The following CDT1 variants were observed in gnomAD, a reference collection of about 807,000 sequenced individuals.
The protein encoded by CDT1 is chromatin licensing and DNA replication factor 1, also known as DNA replication factor Cdt1.
A neutral mutation model predicts 49.3 loss-of-function variants in CDT1; 66 were observed. The observed-to-expected ratio is 1.34, with a 90% confidence interval of 1.10 to 1.64. The LOEUF is 1.64. Ranked by LOEUF, CDT1 falls within the 40% of genes most tolerant of loss-of-function variation. The probability of loss-of-function intolerance (pLI) is 0.00; values close to 1 mark genes in which losing one functional copy is unlikely to be tolerated. For synonymous variants in CDT1, 424 were observed against 347.4 expected (o/e 1.22, Z -2.45); for missense variants, 958 against 807.7 (o/e 1.19, Z -2.26).
Position 88,806,064 on chromosome 16 carries a change from G to A in CDT1, c.876G>A (p.Leu292=), listed in dbSNP as rs2142944200. Residue 292 remains leucine, a synonymous_variant, in exon 6 of 10, where the codon CTG becomes CTA. Transcript: ENST00000301019. ...CCCAGCTCACGGCCTCGCGCCTCCT[G>A]CAGCGACGGCAGATCTTCAGCCAGA... The part of the protein sequence containing the change: ...AAPQLTASRL[L]QRRQIFSQKL... 6 of 1,600,580 alleles carry A rather than the reference G, an allele frequency of 3.7e-6. No individual in the cohort carries two copies. Among genetic ancestry groups the A allele is most frequent in the Non-Finnish European group, 5.1e-6 (6 of 1,177,234 alleles).
chr16:88,805,048 AAG>A, intron 3 of CDT1, 150 bp downstream of exon 3: 1 of 1,111,786 alleles, frequency 9.0e-7, no homozygotes, highest in South Asian at 1.6e-5. Context: ...CCCTGAGAAA[AAG>A]GTCCCGGGCA....
In CDT1 at chr16:88,808,516, G is replaced by C; in HGVS notation, c.*238G>C. The C allele has an allele frequency of 1.8e-6, 1 of 568,634 alleles. No individual in the cohort carries two copies. Among genetic ancestry groups the C allele is most frequent in the Non-Finnish European group, 3.1e-6 (1 of 321,156 alleles). The allele number at this position is 568,634 out of a possible 1,614,324, so 35.2% of individuals were successfully genotyped here. On this transcript the variant is annotated 3_prime_UTR_variant, in exon 10 of 10. Coordinates refer to ENST00000301019, the MANE Select transcript of CDT1 (RefSeq NM_030928.4). ...TAAACCGGTTTCTGTGGGCACCTCT[G>C]TCCTTGCTGCTGGTGGGGAAGGGAA... is the stretch of plus-strand genomic sequence containing the variant.
At position 88,805,578 on chromosome 16, in the gene CDT1, C is replaced by T; in HGVS notation, c.627C>T (p.Asn209=). The part of the protein sequence containing the change: ...SMDTIVGMLH[N]RSETPTFAKV... ...ACACCATCGTGGGCATGCTCCACAA[C>T]CGCTCCGAGACGCCCACCTTTGCCA... is the stretch of plus-strand genomic sequence containing the variant. The change falls in exon 4 of 10, where the codon AAC becomes AAT. Residue 209 remains asparagine, a synonymous_variant. Coordinates refer to ENST00000301019, the MANE Select transcript of CDT1 (RefSeq NM_030928.4). The T allele has an allele frequency of 6.2e-7, 1 of 1,612,888 alleles. No homozygotes were observed. The highest frequency in any genetic ancestry group is 8.5e-7 in the Non-Finnish European group (1 of 1,179,974).
At chr16:88,806,967 G>T in intron 7 of CDT1, 84 bp from the exon 8 acceptor site, 2 of 1,554,592 alleles carry the variant, frequency 1.3e-6, no homozygotes, top group Admixed American at 1.7e-5. Context: ...CTTGTGCCTT[G>T]AGAGATACCG....
chr16:88,807,362 C>G lies in CDT1; in HGVS notation c.1357C>G (p.Arg453Gly). The G allele has an allele frequency of 6.2e-7, 1 of 1,612,572 alleles. No individual in the cohort carries two copies. The highest frequency in any genetic ancestry group is 8.5e-7 in the Non-Finnish European group (1 of 1,179,932). The change falls in exon 9 of 10, where the codon CGG (arginine) becomes GGG (glycine). Residue 453 changes from arginine (R) to glycine (G), a missense_variant. By Grantham distance (125) the Arg-to-Gly change is moderately radical (BLOSUM62 -2). Coordinates refer to ENST00000301019, the MANE Select transcript of CDT1 (RefSeq NM_030928.4). ...GGAGCAGCGGCTGCAGCGCTTAGAA[C>G]GGCTGCCTGAGCTGGCCCGCGTGCT... ...EQEQRLQRLE[R>G]LPELARVLRS...
At chr16:88,806,392 G>T in intron 6 of CDT1, 94 bp from the exon 7 acceptor site, 3 of 1,442,180 alleles carry the variant, frequency 2.1e-6, no homozygotes, top group Admixed American at 1.9e-5. Context: ...TGCCCGAGGC[G>T]GCCCGGCTGG....
Position 88,806,135 on chromosome 16 carries a change from G to T in CDT1, c.933+14G>T. The T allele has an allele frequency of 1.3e-6, 2 of 1,575,184 alleles. No homozygotes were observed. Among genetic ancestry groups the T allele is most frequent in the Admixed American group, 1.8e-5 (1 of 56,606 alleles). ...GAGCACCACAAGGTGAGCGGCCCCC[G>T]GCCCCGCTGTGTGAAGATGGTGGCA... is the stretch of plus-strand genomic sequence containing the variant. On this transcript the variant is annotated intron_variant, in intron 6 of 9. Transcript: ENST00000301019.
At position 88,807,323 on chromosome 16, in the gene CDT1, C is replaced by T. The variant is rs553021912; in HGVS notation, c.1318C>T (p.Arg440Trp). 6.4e-5 allele frequency: 104 copies of T among 1,612,546 alleles called. No homozygotes were observed. The highest frequency in any genetic ancestry group is 1.2e-4 in the Admixed American group (7 of 60,012). ...ACAGAAGCAGCTGGCACAGATGACGCGGTGCCCGGAGCAGGAGCAGCGGCT... is the reference window on the plus strand; with the variant it reads ...ACAGAAGCAGCTGGCACAGATGACGTGGTGCCCGGAGCAGGAGCAGCGGCT... ...EAQKQLAQMT[R>W]CPEQEQRLQR... Residue 440 changes from arginine (R) to tryptophan (W), a missense_variant, in exon 9 of 10, where the codon CGG (arginine) becomes TGG (tryptophan). Physicochemically the swap from Arg to Trp is moderately radical, Grantham distance 101 (BLOSUM62 -3). Coordinates refer to ENST00000301019, the MANE Select transcript of CDT1 (RefSeq NM_030928.4).
In CDT1 at chr16:88,804,826, C is replaced by A. The variant is rs1190312018; in HGVS notation, c.416C>A (p.Ala139Glu). Residue 139 changes from alanine (A) to glutamate (E), a missense_variant, in exon 3 of 10, where the codon GCG becomes GAG. By Grantham distance (107) the Ala-to-Glu change is moderately radical (BLOSUM62 -1). Coordinates refer to ENST00000301019, the MANE Select transcript of CDT1 (RefSeq NM_030928.4). ...RARELGARVR[A>E]LKASAQDAGE... ...CGGGAGCTGGGGGCAAGAGTCCGGGCGCTGAAGGCCAGTGCCCAGGATGCT... is the reference window on the plus strand; with the variant it reads ...CGGGAGCTGGGGGCAAGAGTCCGGGAGCTGAAGGCCAGTGCCCAGGATGCT... 2 of 1,612,224 alleles carry A rather than the reference C, an allele frequency of 1.2e-6. No homozygotes were observed. The highest frequency in any genetic ancestry group is 3.3e-5 in the Admixed American group (2 of 59,966).
chr16:88,807,993 G>A (rs1357690817), intron 9 of CDT1, 122 bp from the exon 10 acceptor site: 3 of 1,093,996 alleles, frequency 2.7e-6, no homozygotes, highest in Non-Finnish European at 2.7e-6. Context: ...CTAAGTCCTG[G>A]TGATGGGGCC....
At position 88,808,187 on chromosome 16, in the gene CDT1, C is replaced by T; in HGVS notation, c.1550C>T (p.Thr517Ile). The change falls in exon 10 of 10, where the codon ACC (threonine) becomes ATC (isoleucine). Residue 517 changes from threonine to isoleucine, a missense_variant. Physicochemically the swap from Thr to Ile is moderately conservative, Grantham distance 89 (BLOSUM62 -1). Coordinates refer to ENST00000301019, the MANE Select transcript of CDT1 (RefSeq NM_030928.4). ...TGGCTCAGCCTCCACCGCATCCGCA[C>T]CGACACCTACGTCAAGCTGGACAAG... is the stretch of plus-strand genomic sequence containing the variant. ...PDWLSLHRIR[T>I]DTYVKLDKAA... 6.2e-7 allele frequency: 1 copy of T among 1,612,866 alleles called. No homozygotes were observed. The highest frequency in any genetic ancestry group is 2.2e-5 in the East Asian group (1 of 44,878).
rs952558932 is a variant in CDT1 at position 88,807,045 on chromosome 16, C to G, written c.1123-6C>G. Reference sequence around the variant, plus strand: ...ACCTCTCCAGTCCAACCTGTCCCTCCCGCAGATGGAGAAGGCCTTGAGTCA... The same window carrying G: ...ACCTCTCCAGTCCAACCTGTCCCTCGCGCAGATGGAGAAGGCCTTGAGTCA... On this transcript the variant is annotated splice_region_variant and splice_polypyrimidine_tract_variant and intron_variant, in intron 7 of 9. Coordinates refer to ENST00000301019, the MANE Select transcript of CDT1 (RefSeq NM_030928.4). The G allele has an allele frequency of 2.5e-6, 4 of 1,612,740 alleles. No homozygotes were observed. The African/African-American group carries it at 4.0e-5, about 16-fold the overall frequency.
rs1908944080 is a variant in CDT1, at chr16:88,808,228, C to T, written c.1591C>T (p.His531Tyr). 1 of 1,606,694 alleles carries T rather than the reference C, an allele frequency of 6.2e-7. No homozygotes were observed. The highest frequency in any genetic ancestry group is 8.5e-7 in the Non-Finnish European group (1 of 1,177,260). Residue 531 changes from histidine to tyrosine, a missense_variant, in exon 10 of 10, where the codon CAC becomes TAC. Coordinates refer to ENST00000301019, the MANE Select transcript of CDT1 (RefSeq NM_030928.4). The part of the protein sequence containing the change: ...VKLDKAADLA[H>Y]ITARLAHQTR... ...GCTGGACAAGGCCGCGGACCTCGCCCACATCACTGCACGCCTGGCCCACCA... is the reference window on the plus strand; with the variant it reads ...GCTGGACAAGGCCGCGGACCTCGCCTACATCACTGCACGCCTGGCCCACCA...
At chr16:88,806,950 G>T (rs1908879065) in intron 7 of CDT1, 101 bp from the exon 8 acceptor site, 21 of 1,482,210 alleles carry the variant, frequency 1.4e-5, no homozygotes, top group Non-Finnish European at 1.8e-5. Flanking sequence ...CCAGTGTGCT[G>T]GGTGAACTTG....
rs752647897 is a variant in CDT1, at chr16:88,805,601, C to T, written c.650C>T (p.Ala217Val). 3 of 1,612,816 alleles carry T rather than the reference C, an allele frequency of 1.9e-6. No individual in the cohort carries two copies. In the East Asian group the frequency reaches 6.7e-5, roughly 36 times the overall value. ...LHNRSETPTF[A>V]KVQRGVQDMM... is the part of the protein sequence containing the mutation. ...AACCGCTCCGAGACGCCCACCTTTG[C>T]CAAGGTCCAGCGGGGCGTCCAGGAC... The change falls in exon 4 of 10, where the codon GCC (alanine) becomes GTC (valine). Residue 217 changes from alanine (A) to valine (V), a missense_variant. Ala to Val is a moderately conservative substitution (Grantham distance 64). Transcript: ENST00000301019.
chr16:88,805,730 T>C lies in CDT1; in HGVS notation c.693T>C (p.Phe231=). 6.2e-7 allele frequency: 1 copy of C among 1,613,004 alleles called. No homozygotes were observed. Among genetic ancestry groups the C allele is most frequent in the Non-Finnish European group, 8.5e-7 (1 of 1,180,000 alleles). Reference sequence around the variant, plus strand: ...CGCCCCCATCCTCCCATAGGCGTTTTGAGGAGTGCAATGTTGGCCAGATCA... The same window carrying C: ...CGCCCCCATCCTCCCATAGGCGTTTCGAGGAGTGCAATGTTGGCCAGATCA... The part of the protein sequence containing the change: ...RGVQDMMRRR[F]EECNVGQIKT... Residue 231 remains phenylalanine (F), a synonymous_variant, in exon 5 of 10, where the codon TTT becomes TTC. Coordinates refer to ENST00000301019, the MANE Select transcript of CDT1 (RefSeq NM_030928.4).
rs1908971637 is a variant in CDT1 at position 88,808,738 on chromosome 16, T to TAC, written c.*460_*461insAC. 5.4e-6 allele frequency: 1 copy of TAC among 183,882 alleles called. No homozygotes were observed. The highest frequency in any genetic ancestry group is 1.2e-5 in the Non-Finnish European group (1 of 86,546). The allele number at this position is 183,882 out of a possible 1,614,324, so 11.4% of individuals were successfully genotyped here. ...TGGGGTGGGTGTGGTGGCTCACGCC[T>TAC]GTAACCCCAGCACTTTGGGAGGCCA... is the stretch of plus-strand genomic sequence containing the variant. On this transcript the variant is annotated 3_prime_UTR_variant, in exon 10 of 10. Transcript: ENST00000301019.
Position 88,804,598 on chromosome 16 carries a change from G to C in CDT1, c.282G>C (p.Pro94=), listed in dbSNP as rs745592385. The C allele has an allele frequency of 1.2e-6, 2 of 1,612,974 alleles. No homozygotes were observed. Among genetic ancestry groups the C allele is most frequent in the South Asian group, 2.2e-5 (2 of 91,074 alleles). The change falls in exon 2 of 10, where the codon CCG becomes CCC. Residue 94 remains proline (P), a synonymous_variant. Coordinates refer to ENST00000301019, the MANE Select transcript of CDT1 (RefSeq NM_030928.4). ...EAPDIPACPS[P]GQKIKKSTPA... ...CAGACATCCCAGCCTGCCCTTCTCC[G>C]GGCCAGAAGATAAAGAAATCCACCC...
rs116408076 is a variant in CDT1 at position 88,808,580 on chromosome 16, G to A, written c.*302G>A. On this transcript the variant is annotated 3_prime_UTR_variant, in exon 10 of 10. Transcript: ENST00000301019. ...CCCCCTGGGGGGCCATCGGGAGTGT[G>A]GCTGGGGGTGAAGGGGGCTCTGTGG... The A allele has an allele frequency of 7.8e-3, 3,674 of 468,532 alleles. 95 individuals are homozygous for A. Among genetic ancestry groups the A allele is most frequent in the African/African-American group, 0.067 (3,412 of 51,108 alleles). The allele number at this position is 468,532 out of a possible 1,614,324, so 29.0% of individuals were successfully genotyped here. A position where few individuals can be genotyped will look rare whatever the true frequency, so the allele number is the denominator to read the frequency against.
Sources: allele counts gnomAD v4.1 joint callset, GRCh38; gene constraint gnomAD v4.1.1; transcripts MANE v1.5; gene names NCBI Gene and HGNC (gene_info 2026-07-23, HGNC 2026-07-21).